SYNPR: variants seen among roughly 807,000 people sequenced by gnomAD.
SYNPR encodes the protein synaptoporin.
Under a neutral mutation model 32.9 loss-of-function variants are expected in SYNPR, and 23 were observed. The observed-to-expected ratio is 0.70, with a 90% CI of 0.50 to 0.99. SYNPR has a LOEUF of 0.99. Ranked by LOEUF, SYNPR falls within the 50% of genes least tolerant of loss-of-function variation. The probability of loss-of-function intolerance (pLI) is 0.00; values close to 1 mark genes in which losing one functional copy is unlikely to be tolerated. For missense variants in SYNPR, 318 were observed against 349.3 expected (o/e 0.91, Z 0.71); for synonymous variants, 146 against 135.9 (o/e 1.07, Z -0.52).
At chr3:63,418,288 T>A (rs935569024) in intron 2 of SYNPR, among the ~76,000 whole-genome samples, 1 of 152,170 alleles carries the variant, frequency 6.6e-6, no homozygotes, top group African/African-American at 2.4e-5. Flanking sequence ...CTCATCTTCA[T>A]CTGAGACCAC....
At chr3:63,251,907 G>A (rs17301204) in intron 1 of SYNPR, among the ~76,000 whole-genome samples, 24,331 of 151,854 alleles carry the variant, frequency 0.16, 2,266 homozygotes, top group Non-Finnish European at 0.21. Flanking sequence ...CAGGAGAATA[G>A]AATCCTAAGA....
At chr3:63,416,739 C>T (rs371500747) in intron 2 of SYNPR, among the ~76,000 whole-genome samples, 2 of 152,120 alleles carry the variant, frequency 1.3e-5, no homozygotes, top group Admixed American at 6.5e-5. Flanking sequence ...TGACATCTTA[C>T]GTGGATGGCA....
intron 2 of SYNPR, among the ~76,000 whole-genome samples, chr3:63,348,976 G>A (rs1376263274): frequency 3.9e-5 from 6 of 152,252 alleles, no homozygotes; most frequent in East Asian, 3.9e-4. Context: ...TTTTGCTTAG[G>A]ATTGCTTTGA....
chr3:63,415,898 T>C (rs1437929065), intron 2 of SYNPR, among the ~76,000 whole-genome samples: 1 of 152,256 alleles, frequency 6.6e-6, no homozygotes, highest in Non-Finnish European at 1.5e-5. Context: ...AATCATGTAA[T>C]GGCAGTTGTG....
chr3:63,437,868 C>G (rs1700112677), intron 2 of SYNPR, among the ~76,000 whole-genome samples: 1 of 152,098 alleles, frequency 6.6e-6, no homozygotes, highest in Non-Finnish European at 1.5e-5. Flanking sequence ...TAGCACCTCC[C>G]ATTAGGATGC....
chr3:63,365,831 GA>G (rs2087723020), intron 2 of SYNPR, among the ~76,000 whole-genome samples: 1 of 152,170 alleles, frequency 6.6e-6, no homozygotes, highest in Admixed American at 6.5e-5. Flanking sequence ...CTATTCAGCT[GA>G]AAAGCAATGT....
At chr3:63,600,214 T>C (rs1700018948) in intron 4 of SYNPR, among the ~76,000 whole-genome samples, 1 of 152,284 alleles carries the variant, frequency 6.6e-6, no homozygotes, top group East Asian at 1.9e-4. Flanking sequence ...AGTGCTGGCG[T>C]ATAGGAAGCA....
At chr3:63,350,505 G>A (rs2087492853) in intron 2 of SYNPR, among the ~76,000 whole-genome samples, 1 of 152,222 alleles carries the variant, frequency 6.6e-6, no homozygotes, top group Non-Finnish European at 1.5e-5. Flanking sequence ...GTGTGTGTAT[G>A]CCTGTGTATG....
At chr3:63,548,405 T>C (rs1702448291) in intron 3 of SYNPR, among the ~76,000 whole-genome samples, 2 of 152,102 alleles carry the variant, frequency 1.3e-5, no homozygotes, top group Admixed American at 1.3e-4. Flanking sequence ...TGAGATGCAG[T>C]GTGTGAAAGT....
intron 2 of SYNPR, among the ~76,000 whole-genome samples, chr3:63,413,575 A>C (rs977610441): frequency 6.6e-6 from 1 of 152,194 alleles, no homozygotes; most frequent in Non-Finnish European, 1.5e-5. Flanking sequence ...AAATCAAGAA[A>C]AGACCCTTAG....
At chr3:63,390,866 C>T (rs1183471252) in intron 2 of SYNPR, among the ~76,000 whole-genome samples, 2 of 152,202 alleles carry the variant, frequency 1.3e-5, no homozygotes, top group Non-Finnish European at 2.9e-5. Context: ...TCATAGCCCA[C>T]TCAACTCCTC....
At chr3:63,270,307 GA>G (rs1219477938) in intron 3 of SYNPR, among the ~76,000 whole-genome samples, 1 of 152,126 alleles carries the variant, frequency 6.6e-6, no homozygotes, top group Non-Finnish European at 1.5e-5. Flanking sequence ...AGCTATCAGG[GA>G]GTGAGAATAG....
chr3:63,242,054 G>A (rs774049671), intron 1 of SYNPR, among the ~76,000 whole-genome samples: 3 of 151,928 alleles, frequency 2.0e-5, no homozygotes, highest in Non-Finnish European at 4.4e-5. Flanking sequence ...CTTTCAACAT[G>A]ATTAATATGA....
Position 63,606,417 on chromosome 3 carries a change from CTTTTTTTT to C in SYNPR, c.409-2693_409-2686del, listed in dbSNP as rs61299069. On this transcript the variant is annotated intron_variant, in intron 4 of 5. Transcript: ENST00000478300. ...AATTAAGCAGGACCTCAAATCCTTT[CTTTTTTTT>C]TTTTTTTTTTTTTTAGCAATGAGAT... 4.4e-3 allele frequency among the ~76,000 whole-genome samples: 301 copies of C among 68,314 alleles called. 8 individuals carry two copies. The highest frequency in any genetic ancestry group is 0.015 in the African/African-American group (288 of 18,810). The allele number at this position is 68,314 out of a possible 152,430, so 44.8% of individuals were successfully genotyped here.
At chr3:63,587,323 A>C (rs1703204490) in intron 4 of SYNPR, among the ~76,000 whole-genome samples, 2 of 152,138 alleles carry the variant, frequency 1.3e-5, no homozygotes, top group South Asian at 4.1e-4. Flanking sequence ...CTGTAAGGGA[A>C]GTACTCCTGT....
intron 2 of SYNPR, among the ~76,000 whole-genome samples, chr3:63,364,487 C>T (rs571551771): frequency 2.6e-4 from 40 of 151,874 alleles, no homozygotes; most frequent in African/African-American, 8.2e-4. Flanking sequence ...AATTTGGCTT[C>T]GAATAGTCAA....
chr3:63,501,712 A>G (rs1701485866), intron 3 of SYNPR, among the ~76,000 whole-genome samples: 2 of 152,150 alleles, frequency 1.3e-5, no homozygotes, highest in South Asian at 4.1e-4. Flanking sequence ...AAGAATTTTG[A>G]GTTGTAGAAA....
At chr3:63,430,948 A>G (rs545570505) in intron 2 of SYNPR, among the ~76,000 whole-genome samples, 1 of 152,278 alleles carries the variant, frequency 6.6e-6, no homozygotes, top group South Asian at 2.1e-4. Context: ...CTGGGTTTTG[A>G]AGGATGAGTA....
intron 4 of SYNPR, among the ~76,000 whole-genome samples, chr3:63,601,039 G>A (rs537303119): frequency 3.3e-4 from 51 of 152,280 alleles, no homozygotes; most frequent in African/African-American, 9.4e-4. Context: ...TTGGGAGGCC[G>A]AGGTGGGCAG....
Sources: allele counts gnomAD v4.1 joint callset (sites outside exome capture counted in the v4.1 genomes callset), GRCh38; gene constraint gnomAD v4.1.1; transcripts MANE v1.5; gene names NCBI Gene and HGNC (gene_info 2026-07-23, HGNC 2026-07-21).